The following SMARCAD1 variants were observed in gnomAD, a reference collection of about 807,000 sequenced individuals.
SMARCAD1 encodes SNF2 related chromatin remodeling ATPase with DExD box 1.
Under a neutral mutation model 127.1 loss-of-function variants are expected in SMARCAD1, and 25 were observed. The observed-to-expected ratio is 0.20, with a 90% CI of 0.14 to 0.27. The LOEUF (loss-of-function observed/expected upper bound fraction) is 0.27, where lower values mean the gene tolerates loss of function less well. Among genes scored for constraint, SMARCAD1 ranks in the 10% least tolerant of loss-of-function variants. The pLI is 1.00. For synonymous variants in SMARCAD1, 400 were observed against 396.9 expected (o/e 1.01, Z -0.09); for missense variants, 807 against 1,206.0 (o/e 0.67, Z 4.90).
intron 23 of SMARCAD1, among the ~76,000 whole-genome samples, chr4:94,288,416 T>C (rs1450945015): frequency 6.6e-6 from 1 of 152,142 alleles, no homozygotes; most frequent in Non-Finnish European, 1.5e-5. Context: ...TAACATAGTA[T>C]CAGTTTATAT....
rs116616446 is a variant in SMARCAD1, at chr4:94,277,739, C to G, written c.2082+580C>G. 3.5e-3 allele frequency among the ~76,000 whole-genome samples: 535 copies of G among 152,302 alleles called. 4 individuals are homozygous for G. The highest frequency in any genetic ancestry group is 0.012 in the African/African-American group (515 of 41,572). On this transcript the variant is annotated intron_variant, in intron 16 of 23. Transcript: ENST00000354268. Reference sequence around the variant, plus strand: ...GTTTACACTGATTCTTGGCTCTCTTCCACATCACTAATCTTTTGCAAGAAT... The same window carrying G: ...GTTTACACTGATTCTTGGCTCTCTTGCACATCACTAATCTTTTGCAAGAAT...
chr4:94,273,677 A>G lies in SMARCAD1; in HGVS notation c.1633A>G (p.Asn545Asp), dbSNP rs1330347102. The change falls in exon 12 of 24, where the codon AAT becomes GAT. Residue 545 changes from asparagine (N) to aspartate (D), a missense_variant. Around this residue, in one of 8 missense-constraint regions of SMARCAD1, gnomAD observed 148 missense variants for 313.2 expected, o/e 0.47. Coordinates refer to ENST00000354268, the MANE Select transcript of SMARCAD1 (RefSeq NM_020159.5). Reference protein sequence around the residue: ...FLAYLYQEGNNGPHLIVVPAS... With the variant: ...FLAYLYQEGNDGPHLIVVPAS... ...GGCATACCTCTATCAGGAGGGTAATAATGGTCCTCATTTGATCGTTGTTCC... is the reference window on the plus strand; with the variant it reads ...GGCATACCTCTATCAGGAGGGTAATGATGGTCCTCATTTGATCGTTGTTCC... The G allele has an allele frequency of 6.2e-7, 1 of 1,613,918 alleles. No individual in the cohort carries two copies. Among genetic ancestry groups the G allele is most frequent in the Admixed American group, 1.7e-5 (1 of 60,030 alleles).
intron 16 of SMARCAD1, among the ~76,000 whole-genome samples, chr4:94,277,669 A>G (rs538322272): frequency 8.5e-5 from 13 of 152,220 alleles, no homozygotes; most frequent in Non-Finnish European, 1.5e-4. Flanking sequence ...ATTGTTTAGG[A>G]AAAGTATAGT....
intron 22 of SMARCAD1, among the ~76,000 whole-genome samples, chr4:94,284,457 G>A (rs1362415515): frequency 6.6e-6 from 1 of 151,688 alleles, no homozygotes; most frequent in Non-Finnish European, 1.5e-5. Flanking sequence ...GGAGTGCAGT[G>A]GCACCATCTC....
chr4:94,234,156 G>T (rs1560525590), intron 4 of SMARCAD1, 34 bp downstream of exon 4: 5 of 1,548,584 alleles, frequency 3.2e-6, no homozygotes, highest in Non-Finnish European at 4.4e-6. Flanking sequence ...CTGTAATGAT[G>T]ATAAAATCTC....
intron 11 of SMARCAD1, among the ~76,000 whole-genome samples, chr4:94,273,162 C>T (rs1752785686): frequency 1.3e-5 from 2 of 152,168 alleles, no homozygotes; most frequent in African/African-American, 2.4e-5. Context: ...CATTCTTACC[C>T]AAGTCCTTTT....
At chr4:94,278,769 A>C in intron 18 of SMARCAD1, 36 bp downstream of exon 18, 1 of 1,602,430 alleles carries the variant, frequency 6.2e-7, no homozygotes, top group Non-Finnish European at 8.6e-7. Flanking sequence ...TGTGAAAAAG[A>C]ATCTTGTACT....
intron 6 of SMARCAD1, among the ~76,000 whole-genome samples, chr4:94,247,735 G>T (rs1748666919): frequency 6.6e-6 from 1 of 152,050 alleles, no homozygotes. Context: ...TCAGTCTCTG[G>T]ATTTACCTAT....
In SMARCAD1 at chr4:94,257,840, C is replaced by G. The variant is rs371571493; in HGVS notation, c.1281+4833C>G. Among the ~76,000 whole-genome samples the G allele has an allele frequency of 1.4e-3, 215 of 152,144 alleles. 1 individual carries two copies. The highest frequency in any genetic ancestry group is 5.0e-3 in the African/African-American group (208 of 41,512). ...TTTGTCATTTGTAGGTCTTATCTATCAACTTAATATTATAGACAATAGGAT... is the reference window on the plus strand; with the variant it reads ...TTTGTCATTTGTAGGTCTTATCTATGAACTTAATATTATAGACAATAGGAT... On this transcript the variant is annotated intron_variant, in intron 9 of 23. Coordinates refer to ENST00000354268, the MANE Select transcript of SMARCAD1 (RefSeq NM_020159.5).
chr4:94,279,649 C>T (rs1753745686), intron 19 of SMARCAD1, among the ~76,000 whole-genome samples: 1 of 152,174 alleles, frequency 6.6e-6, no homozygotes, highest in South Asian at 2.1e-4. Flanking sequence ...ACTTGCCTTA[C>T]AGGTCATTTT....
intron 2 of SMARCAD1, among the ~76,000 whole-genome samples, chr4:94,214,939 T>C (rs916591631): frequency 3.3e-5 from 5 of 152,206 alleles, no homozygotes; most frequent in African/African-American, 1.2e-4. Context: ...AAAGATTTCC[T>C]GAGAGTATTG....
At chr4:94,282,258 G>A (rs1268160727) in intron 21 of SMARCAD1, among the ~76,000 whole-genome samples, 11 of 130,348 alleles carry the variant, frequency 8.4e-5, no homozygotes, top group Non-Finnish European at 8.4e-5. Context: ...TACCACGCCC[G>A]GCTAATTTTT....
At chr4:94,273,835 TATTA>T (rs1322814261) in intron 12 of SMARCAD1, 119 bp downstream of exon 12, 25 of 729,614 alleles carry the variant, frequency 3.4e-5, no homozygotes, top group African/African-American at 1.1e-4. Context: ...TAGAGATGAA[TATTA>T]ATTTTATGGT....
At chr4:94,228,211 C>A (rs560903419) in intron 3 of SMARCAD1, among the ~76,000 whole-genome samples, 8 of 151,942 alleles carry the variant, frequency 5.3e-5, no homozygotes, top group Non-Finnish European at 1.2e-4. Context: ...ATGGTTAATC[C>A]TGAGGAAAAT....
At chr4:94,231,259 C>T (rs769433478) in intron 3 of SMARCAD1, among the ~76,000 whole-genome samples, 3 of 151,854 alleles carry the variant, frequency 2.0e-5, no homozygotes, top group Non-Finnish European at 2.9e-5. Flanking sequence ...AGCACATTGC[C>T]GATTGGGGAG....
intron 2 of SMARCAD1, 22 bp downstream of exon 2, chr4:94,208,606 G>C (rs1189055246): frequency 6.2e-7 from 1 of 1,604,660 alleles, no homozygotes; most frequent in Admixed American, 1.7e-5. Context: ...TGTTAAAATT[G>C]ATGTAACATC....
intron 22 of SMARCAD1, among the ~76,000 whole-genome samples, chr4:94,284,585 T>TTC (rs1264255276): frequency 6.7e-6 from 1 of 149,950 alleles, no homozygotes; most frequent in African/African-American, 2.5e-5. Flanking sequence ...TGTTTTTTTT[T>TTC]TTTTTCGTTT....
chr4:94,219,640 A>G (rs1311500072), intron 2 of SMARCAD1, among the ~76,000 whole-genome samples: 3 of 152,208 alleles, frequency 2.0e-5, no homozygotes, highest in African/African-American at 4.8e-5. Flanking sequence ...CTTCCTGCAT[A>G]TGCTAATAAT....
intron 2 of SMARCAD1, among the ~76,000 whole-genome samples, chr4:94,212,528 C>T (rs967239039): frequency 6.6e-6 from 1 of 151,482 alleles, no homozygotes; most frequent in South Asian, 2.1e-4. Flanking sequence ...GCTCTGTTAC[C>T]TAGGCTGGAG....
Sources: allele counts gnomAD v4.1 joint callset (sites outside exome capture counted in the v4.1 genomes callset), GRCh38; gene constraint gnomAD v4.1.1; regional missense constraint gnomAD v4.1.1; transcripts MANE v1.5; gene names NCBI Gene and HGNC (gene_info 2026-07-23, HGNC 2026-07-21).